Variants in TLE2 observed in about 807,000 individuals in gnomAD.
The protein encoded by TLE2 is transducin-like enhancer protein 2.
A neutral mutation model predicts 97.2 loss-of-function variants in TLE2; 74 were observed. The observed-to-expected ratio is 0.76, with a 90% confidence interval of 0.63 to 0.92. The LOEUF (loss-of-function observed/expected upper bound fraction) is 0.92, where lower values mean the gene tolerates loss of function less well. Ranked by LOEUF, TLE2 falls within the 40% of genes least tolerant of loss-of-function variation. The pLI, the probability that TLE2 is intolerant of heterozygous loss-of-function variation, is 0.00. For missense variants in TLE2, 1,038 were observed against 1,008.7 expected (o/e 1.03, Z -0.39); for synonymous variants, 499 against 432.1 (o/e 1.15, Z -1.92).
intron 1 of TLE2, among the ~76,000 whole-genome samples, chr19:3,034,740 A>G: frequency 6.6e-6 from 1 of 152,034 alleles, no homozygotes; most frequent in African/African-American, 2.4e-5. Flanking sequence ...GTGTTGGTGG[A>G]TAAATGGATG....
rs572943779 is a variant in TLE2, at chr19:3,019,952, C to A, written c.295-179G>T. On this transcript the variant is annotated intron_variant, in intron 5 of 19. Transcript: ENST00000262953. The surrounding 1 kb of genome is among the most constrained non-coding windows in gnomAD (Gnocchi z 5.1). ...TCCTTTTGGAATTTTGAAATAAGCACACGGAGAAAGAAACCAAACCTAAGT... is the reference window on the plus strand; with the variant it reads ...TCCTTTTGGAATTTTGAAATAAGCAAACGGAGAAAGAAACCAAACCTAAGT... 1 of 861,710 alleles carries A rather than the reference C, an allele frequency of 1.2e-6. No individual in the cohort carries two copies. 53.4% of individuals were successfully genotyped at this position (861,710 alleles called of 1,614,324 possible). A position where few individuals can be genotyped will look rare whatever the true frequency, so the allele number is the denominator to read the frequency against.
intron 15 of TLE2, 134 bp downstream of exon 15, chr19:3,006,286 C>T: frequency 7.2e-7 from 1 of 1,386,728 alleles, no homozygotes; most frequent in South Asian, 1.3e-5. Context: ...CGACTACGAG[C>T]TCCGCCCCTC....
At chr19:3,020,118 C>T (rs1232722912) in intron 5 of TLE2, 5 of 260,464 alleles carry the variant, frequency 1.9e-5, no homozygotes, top group African/African-American at 6.7e-5. Context: ...CACCTGTAAT[C>T]CCAGCTACTC....
At chr19:2,999,316 G>A (rs2089298452) in intron 19 of TLE2, among the ~76,000 whole-genome samples, 1 of 151,574 alleles carries the variant, frequency 6.6e-6, no homozygotes. Context: ...AACCAGGACG[G>A]GCATATTAAA....
In TLE2 at chr19:3,011,457, G is replaced by A. The variant is rs567609813; in HGVS notation, c.874-297C>T. ...TGAGGCAGGAGAATGGCATGAACCC[G>A]GGAGACGGAGCTTGCAGTGAGCCGA... is the stretch of plus-strand genomic sequence containing the variant. On this transcript the variant is annotated intron_variant, in intron 11 of 19. Transcript: ENST00000262953. Among the ~76,000 whole-genome samples the A allele has an allele frequency of 9.2e-5, 14 of 151,608 alleles. No homozygotes were observed. The East Asian group carries it at 1.4e-3, about 15-fold the overall frequency.
chr19:3,046,137 C>T (rs570493484), upstream of TLE2, among the ~76,000 whole-genome samples: 1 of 152,350 alleles, frequency 6.6e-6, no homozygotes, highest in African/African-American at 2.4e-5. Flanking sequence ...TCAGCTACAG[C>T]CCTGACTTAT....
Position 3,015,777 on chromosome 19 carries a change from G to T in TLE2, c.571-17C>A. ...AGATGCACTCTGCGGAGAGACAAAG[G>T]CCGGGGGGAGAAAGGGTCAGGGCCC... On this transcript the variant is annotated splice_polypyrimidine_tract_variant and intron_variant, in intron 8 of 19. Transcript: ENST00000262953. The T allele has an allele frequency of 1.3e-6, 2 of 1,577,006 alleles. No homozygotes were observed. The highest frequency in any genetic ancestry group is 2.7e-5 in the African/African-American group (2 of 74,224).
Position 3,025,278 on chromosome 19 carries a change from G to A in TLE2, c.232-196C>T, listed in dbSNP as rs927323859. 1.1e-5 allele frequency: 13 copies of A among 1,166,120 alleles called. No homozygotes were observed. The African/African-American group carries it at 2.1e-4, about 19-fold the overall frequency. The allele number at this position is 1,166,120 out of a possible 1,614,324, so 72.2% of individuals were successfully genotyped here. The stretch of plus-strand genomic sequence containing the variant: ...GCCCCACCAGGCTGCGTGCTCAGCT[G>A]AGCGAGGCCCAGGGTGGCCTGGAGC... On this transcript the variant is annotated intron_variant, in intron 4 of 19. Transcript: ENST00000262953.
rs1568235722 is a variant in TLE2, at chr19:3,009,560, C to CCCCA, written c.1154_1155insTGGG (p.Tyr386GlyfsTer11). On this transcript the variant is annotated frameshift_variant, in exon 13 of 20. Transcript: ENST00000262953. LOFTEE classifies it high-confidence loss of function. ...GACTCACCACGGGGGAGCGTCCGTA[C>CCCCA]ACCACAGAGCTGCTGACCTGGGGGG... 6.2e-7 allele frequency: 1 copy of CCCCA among 1,611,722 alleles called. No individual in the cohort carries two copies. The highest frequency in any genetic ancestry group is 8.5e-7 in the Non-Finnish European group (1 of 1,179,026).
At chr19:3,021,096 A>T (rs1184141268) in intron 5 of TLE2, among the ~76,000 whole-genome samples, 1 of 111,992 alleles carries the variant, frequency 8.9e-6, no homozygotes, top group Non-Finnish European at 1.9e-5. Context: ...CTCAAAAAAA[A>T]AAAAAAAAAA....
At chr19:3,012,815 G>T (rs565112951) in intron 11 of TLE2, among the ~76,000 whole-genome samples, 1 of 152,320 alleles carries the variant, frequency 6.6e-6, no homozygotes, top group East Asian at 1.9e-4. Context: ...TCTTGCGTCT[G>T]TCTCGGCTTC....
intron 1 of TLE2, among the ~76,000 whole-genome samples, chr19:3,039,727 A>G (rs2090086616): frequency 6.6e-6 from 1 of 152,180 alleles, no homozygotes; most frequent in South Asian, 2.1e-4. Context: ...ATAGAGCCTC[A>G]CCAAGGTCAC....
At position 3,005,919 on chromosome 19, in the gene TLE2, C is replaced by G; in HGVS notation, c.1550G>C (p.Ser517Thr). The change falls in exon 16 of 20, where the codon AGT becomes ACT. Residue 517 changes from serine to threonine, a missense_variant. By Grantham distance (58) the Ser-to-Thr change is moderately conservative (BLOSUM62 1). Transcript: ENST00000262953. Reference sequence around the variant, plus strand: ...GCTGGCCTCACCGCCCACGATCAGACTCCGGCCATCCGGCAGCAACTTGCA... The same window carrying G: ...GCTGGCCTCACCGCCCACGATCAGAGTCCGGCCATCCGGCAGCAACTTGCA... The part of the protein sequence containing the change: ...RSCKLLPDGR[S>T]LIVGGEASTL... The G allele has an allele frequency of 6.2e-7, 1 of 1,612,030 alleles. No homozygotes were observed.
At chr19:3,035,669 A>G (rs1227427514) in intron 1 of TLE2, among the ~76,000 whole-genome samples, 3 of 152,094 alleles carry the variant, frequency 2.0e-5, no homozygotes, top group African/African-American at 7.2e-5. Flanking sequence ...GCGCCAGCCA[A>G]TCCGCTCGCG....
chr19:3,029,327 C>A (rs2090000015), upstream of TLE2: 2 of 181,340 alleles, frequency 1.1e-5, no homozygotes, highest in Non-Finnish European at 2.0e-5. Flanking sequence ...GCCGCCCCCA[C>A]GCGCCCGCGG....
Position 3,008,918 on chromosome 19 carries a change from G to A in TLE2, c.1201C>T (p.Arg401Ter), listed in dbSNP as rs749611113. 61 of 1,594,048 alleles carry A rather than the reference G, an allele frequency of 3.8e-5. No individual in the cohort carries two copies. The highest frequency in any genetic ancestry group is 5.0e-5 in the Non-Finnish European group (59 of 1,170,564). ...AGGGAGGAAGAGACGGATGACCCTC[G>A]GAGATGGGGATGAGACTCAAATGCC... Reference protein sequence around the residue: ...VMAFESHPHLRGSSVSSSLPS... With the variant: ...VMAFESHPHL Residue 401 changes from arginine to a stop codon, truncating the protein, a stop_gained, in exon 14 of 20, where the codon CGA becomes TGA. Coordinates refer to ENST00000262953, the MANE Select transcript of TLE2 (RefSeq NM_003260.5). LOFTEE classifies it high-confidence loss of function.
chr19:2,998,138 T>C (rs1156870214), intron 19 of TLE2, among the ~76,000 whole-genome samples, 183 bp from the exon 20 acceptor site: 1 of 151,990 alleles, frequency 6.6e-6, no homozygotes, highest in African/African-American at 2.4e-5. Context: ...TGGTGCGATC[T>C]TGGCTCACTG....
Position 3,000,705 on chromosome 19 carries a change from G to A in TLE2, c.2066C>T (p.Thr689Ile). ...FASCGRWFVS[T>I]GKDNLLNAWR... Reference sequence around the variant, plus strand: ...GGCGTTGAGCAGGTTGTCCTTCCCGGTGCTCACAAACCACCGTCCTTGGGG... The same window carrying A: ...GGCGTTGAGCAGGTTGTCCTTCCCGATGCTCACAAACCACCGTCCTTGGGG... Residue 689 changes from threonine (T) to isoleucine (I), a missense_variant, in exon 19 of 20, where the codon ACC becomes ATC. Thr to Ile is a moderately conservative substitution (Grantham distance 89). Coordinates refer to ENST00000262953, the MANE Select transcript of TLE2 (RefSeq NM_003260.5). The A allele has an allele frequency of 6.3e-7, 1 of 1,591,846 alleles. No individual in the cohort carries two copies. The highest frequency in any genetic ancestry group is 8.6e-7 in the Non-Finnish European group (1 of 1,169,554).
At chr19:3,039,129 G>T (rs1263541781) in intron 1 of TLE2, among the ~76,000 whole-genome samples, 1 of 150,994 alleles carries the variant, frequency 6.6e-6, no homozygotes, top group Non-Finnish European at 1.5e-5. Flanking sequence ...AGACAGAATT[G>T]CTTGAACCCG....
Sources: allele counts gnomAD v4.1 joint callset (sites outside exome capture counted in the v4.1 genomes callset), GRCh38; gene constraint gnomAD v4.1.1; non-coding constraint Gnocchi (gnomAD v3.1); transcripts MANE v1.5; gene names NCBI Gene and HGNC (gene_info 2026-07-23, HGNC 2026-07-21).